The following TPD52 variants were observed in gnomAD, a reference collection of about 807,000 sequenced individuals.
TPD52 encodes the protein tumor protein D52.
TPD52 carries 17 observed loss-of-function variants against 31.3 expected under a neutral mutation model. The observed-to-expected ratio is 0.54, with a 90% CI of 0.37 to 0.82. The LOEUF is 0.82. TPD52 is among the 40% of genes least tolerant of loss of function. The pLI, the probability that TPD52 is intolerant of heterozygous loss-of-function variation, is 0.00. For synonymous variants in TPD52, 83 were observed against 89.6 expected, an observed-to-expected ratio of 0.93 and a Z score of 0.42; for missense variants, 212 against 240.1, an observed-to-expected ratio of 0.88 and a Z score of 0.77.
intron 5 of TPD52, among the ~76,000 whole-genome samples, chr8:80,048,472 T>A (rs1418622565): frequency 6.6e-6 from 1 of 152,198 alleles, no homozygotes; most frequent in Admixed American, 6.5e-5. Context: ...ACTAACCACC[T>A]ACTTCATAGC....
intron 7 of TPD52, among the ~76,000 whole-genome samples, chr8:80,039,405 C>T (rs1042548063): frequency 1.3e-5 from 2 of 152,068 alleles, no homozygotes; most frequent in Non-Finnish European, 2.9e-5. Flanking sequence ...CCAACTTGTT[C>T]TACATCCAAT....
intron 1 of TPD52, among the ~76,000 whole-genome samples, chr8:80,097,873 A>G (rs1806449473): frequency 6.6e-6 from 1 of 152,262 alleles, no homozygotes; most frequent in Admixed American, 6.5e-5. Flanking sequence ...CCTGGCTTCA[A>G]TGCTTCAATG....
intron 1 of TPD52, among the ~76,000 whole-genome samples, chr8:80,093,167 G>T (rs1034917549): frequency 1.3e-5 from 2 of 151,966 alleles, no homozygotes; most frequent in African/African-American, 4.8e-5. Flanking sequence ...TAATTATTTC[G>T]ACTCTGGAAT....
chr8:80,088,504 G>A (rs1441636304), intron 1 of TPD52, among the ~76,000 whole-genome samples: 1 of 152,132 alleles, frequency 6.6e-6, no homozygotes, highest in Non-Finnish European at 1.5e-5. Context: ...CATCTAGGCC[G>A]TGGGGAGCCA....
intron 1 of TPD52, among the ~76,000 whole-genome samples, chr8:80,094,122 C>T (rs1425544950): frequency 2.0e-5 from 3 of 151,700 alleles, no homozygotes; most frequent in African/African-American, 7.3e-5. Context: ...TTATTTATTC[C>T]AGGAAGCTCT....
intron 1 of TPD52, among the ~76,000 whole-genome samples, chr8:80,124,756 T>G (rs1366387296): frequency 6.6e-6 from 1 of 152,176 alleles, no homozygotes; most frequent in Non-Finnish European, 1.5e-5. Context: ...GATCATCTTT[T>G]TTGCCATGCT....
rs376466605 is a variant in TPD52, at chr8:80,038,179, C to T, written c.561G>A (p.Ser187=). 2.2e-5 allele frequency: 36 copies of T among 1,613,836 alleles called. No homozygotes were observed. The highest frequency in any genetic ancestry group is 3.3e-4 in the Middle Eastern group (2 of 6,082). Residue 187 remains serine (S), a synonymous_variant, in exon 8 of 8, where the codon TCG becomes TCA. Transcript: ENST00000518937. ...TGGTGGTGGCACTAGCATTTGCAGC[C>T]GAATTCAAGACTTCTCCAAAATCAC... ...AGGDFGEVLN[S]AANASATTTE...
chr8:80,089,090 A>G (rs1816051746), intron 1 of TPD52, among the ~76,000 whole-genome samples: 1 of 152,184 alleles, frequency 6.6e-6, no homozygotes, highest in Non-Finnish European at 1.5e-5. Flanking sequence ...GAATCGTGAG[A>G]ATATAAATTT....
chr8:80,087,173 A>G (rs1251002992), intron 1 of TPD52, among the ~76,000 whole-genome samples: 1 of 152,146 alleles, frequency 6.6e-6, no homozygotes, highest in African/African-American at 2.4e-5. Flanking sequence ...GTTCCAGGGT[A>G]CATGTGCAGG....
chr8:80,127,656 G>T (rs1210266436), intron 1 of TPD52: 1 of 152,004 alleles, frequency 6.6e-6, no homozygotes, highest in African/African-American at 2.4e-5. Flanking sequence ...CCCAAATAAA[G>T]ACACTGCAAA....
At chr8:80,134,615 T>C (rs717340) in intron 1 of TPD52, among the ~76,000 whole-genome samples, 65,631 of 152,060 alleles carry the variant, frequency 0.43, 14,776 homozygotes, top group East Asian at 0.78. Flanking sequence ...GCATTACTAA[T>C]GTCTCCTTTC....
intron 5 of TPD52, 33 bp downstream of exon 5, chr8:80,050,411 GC>G (rs1811248684): frequency 7.5e-6 from 12 of 1,593,322 alleles, no homozygotes; most frequent in Non-Finnish European, 1.0e-5. Flanking sequence ...TTATACAACT[GC>G]TGGACTGCAG....
intron 7 of TPD52, among the ~76,000 whole-genome samples, chr8:80,041,100 G>GA (rs34169883): frequency 9.9e-5 from 15 of 151,784 alleles, no homozygotes; most frequent in Non-Finnish European, 1.6e-4. Flanking sequence ...GTATGTTCAA[G>GA]AAAAAAAACG....
At chr8:80,171,115 C>G (rs2131298891) in intron 1 of TPD52, 1 of 669,904 alleles carries the variant, frequency 1.5e-6, no homozygotes, top group South Asian at 1.5e-5. Flanking sequence ...GGCTTTCCAC[C>G]CAAAGCGCAT....
intron 1 of TPD52, among the ~76,000 whole-genome samples, chr8:80,096,496 A>G (rs1816754176): frequency 6.6e-6 from 1 of 152,176 alleles, no homozygotes; most frequent in South Asian, 2.1e-4. Context: ...GTTTTTTACA[A>G]ACTGAAGGTT....
At chr8:80,072,716 C>T (rs942767449) in intron 1 of TPD52, among the ~76,000 whole-genome samples, 17 of 148,010 alleles carry the variant, frequency 1.1e-4, no homozygotes, top group South Asian at 2.1e-4. Context: ...TACATCTATA[C>T]GCACACATAT....
intron 3 of TPD52, 27 bp from the exon 4 acceptor site, chr8:80,051,655 C>G (rs371719014): frequency 1.5e-5 from 23 of 1,535,936 alleles, no homozygotes; most frequent in Non-Finnish European, 2.0e-5. Context: ...ACACACAGAG[C>G]AAAAGAAGGG....
chr8:80,119,827 T>A, intron 1 of TPD52: 1 of 415,038 alleles, frequency 2.4e-6, no homozygotes, highest in Non-Finnish European at 4.7e-6. Context: ...TTTATATGAG[T>A]GGAGAAAAGA....
intron 2 of TPD52, among the ~76,000 whole-genome samples, chr8:80,055,915 G>A (rs944295427): frequency 2.6e-5 from 4 of 152,152 alleles, no homozygotes; most frequent in Non-Finnish European, 5.9e-5. Context: ...CAGAGAAGAT[G>A]AAACTCTTAT....
Sources: allele counts gnomAD v4.1 joint callset (sites outside exome capture counted in the v4.1 genomes callset), GRCh38; gene constraint gnomAD v4.1.1; transcripts MANE v1.5; gene names NCBI Gene and HGNC (gene_info 2026-07-23, HGNC 2026-07-21).